The following MICAL2 variants were observed in gnomAD, a reference collection of about 807,000 sequenced individuals.
MICAL2 encodes microtubule associated monooxygenase, calponin and LIM domain containing 2, also known as [F-actin]-monooxygenase MICAL2.
In MICAL2, 77 loss-of-function variants were observed where a neutral mutation model predicts 127.3. The observed-to-expected ratio is 0.60, with a 90% CI of 0.50 to 0.73. MICAL2 has a LOEUF of 0.73. MICAL2 is among the 30% of genes least tolerant of loss of function. The pLI, the probability that MICAL2 is intolerant of heterozygous loss-of-function variation, is 0.00. For missense variants in MICAL2, 1,351 were observed against 1,434.4 expected (o/e 0.94, Z 0.94); for synonymous variants, 570 against 551.1 (o/e 1.03, Z -0.48).
chr11:12,136,341 T>C (rs1320190716), intron 1 of MICAL2, among the ~76,000 whole-genome samples: 1 of 152,156 alleles, frequency 6.6e-6, no homozygotes, highest in Non-Finnish European at 1.5e-5. Flanking sequence ...AATCGAGACT[T>C]TGGGTGAAGC....
upstream of MICAL2, among the ~76,000 whole-genome samples, chr11:12,273,675 C>T (rs1396779452): frequency 6.6e-6 from 1 of 151,812 alleles, no homozygotes; most frequent in African/African-American, 2.4e-5. Flanking sequence ...AGAGAGAACA[C>T]ATGGGTAAAA....
At chr11:12,274,409 C>T (rs180883397), upstream of MICAL2, 2 of 152,052 alleles carry the variant, frequency 1.3e-5, no homozygotes, top group Admixed American at 6.5e-5. Context: ...AAGAAAGAGA[C>T]AATAAACAAA....
intron 2 of MICAL2, among the ~76,000 whole-genome samples, chr11:12,155,408 C>T (rs1854064584): frequency 6.6e-6 from 1 of 152,134 alleles, no homozygotes; most frequent in African/African-American, 2.4e-5. Flanking sequence ...TATGTGCTCA[C>T]ATATACCATA....
chr11:12,336,607 A>C (rs977750905), intron 32 of MICAL2, among the ~76,000 whole-genome samples: 4 of 152,056 alleles, frequency 2.6e-5, no homozygotes, highest in African/African-American at 9.7e-5. Flanking sequence ...GATGGCTCTT[A>C]TTATTTTGAG....
At chr11:12,176,654 C>CTTTG (rs1565100969) in intron 3 of MICAL2, among the ~76,000 whole-genome samples, 3 of 152,304 alleles carry the variant, frequency 2.0e-5, no homozygotes, top group African/African-American at 7.2e-5. Flanking sequence ...TCCCCTCAGC[C>CTTTG]TTTGGCAACC....
At position 12,322,425 on chromosome 11, in the gene MICAL2, A is replaced by G. The variant is rs1330565767; in HGVS notation, c.5329-1553A>G. 2.0e-5 allele frequency among the ~76,000 whole-genome samples: 3 copies of G among 152,178 alleles called. No individual in the cohort carries two copies. In the East Asian group the frequency reaches 5.8e-4, roughly 29 times the overall value. ...TCTGGTAGTCATCTCATGGAAACAG[A>G]GATGACATGATATGGAATAAGTTGA... is the stretch of plus-strand genomic sequence containing the variant. On this transcript the variant is annotated intron_variant, in intron 30 of 34. Transcript: ENST00000646065.
At chr11:12,152,131 T>C (rs981979997) in intron 2 of MICAL2, among the ~76,000 whole-genome samples, 3 of 87,824 alleles carry the variant, frequency 3.4e-5, no homozygotes, top group Non-Finnish European at 7.2e-5. Flanking sequence ...CTACTAAAAA[T>C]ACAAAAAAAA....
chr11:12,182,696 TGTC>T (rs1466462361), intron 3 of MICAL2, among the ~76,000 whole-genome samples: 2 of 152,168 alleles, frequency 1.3e-5, no homozygotes, highest in Admixed American at 6.5e-5. Flanking sequence ...TCAGAGGTGG[TGTC>T]GTAATGCCTC....
chr11:12,277,452 C>T (rs1185010908), intron 1 of MICAL2, among the ~76,000 whole-genome samples: 1 of 152,148 alleles, frequency 6.6e-6, no homozygotes, highest in Non-Finnish European at 1.5e-5. Flanking sequence ...TAATTGCAAC[C>T]ATCTTTGCAG....
intron 3 of MICAL2, among the ~76,000 whole-genome samples, chr11:12,177,675 G>A (rs1856984160): frequency 6.6e-6 from 1 of 152,082 alleles, no homozygotes; most frequent in Admixed American, 6.5e-5. Context: ...TTTTGTATAT[G>A]GGGTGAGGTA....
chr11:12,135,234 A>G (rs777348157), intron 1 of MICAL2, among the ~76,000 whole-genome samples: 1 of 152,212 alleles, frequency 6.6e-6, no homozygotes, highest in Non-Finnish European at 1.5e-5. Flanking sequence ...AATATTAATA[A>G]TTAAGTATAA....
At chr11:12,242,189 A>C in intron 18 of MICAL2, 25 bp from the exon 19 acceptor site, 1 of 1,574,402 alleles carries the variant, frequency 6.4e-7, no homozygotes, top group Non-Finnish European at 8.7e-7. Flanking sequence ...GTAGGGAAGG[A>C]AGCTTAATTT....
At chr11:12,197,956 A>G (rs1860158138) in intron 3 of MICAL2, 1 of 152,198 alleles carries the variant, frequency 6.6e-6, no homozygotes, top group East Asian at 1.9e-4. Context: ...TCTAAGATTG[A>G]TAAGTGGTGT....
At chr11:12,301,467 C>T (rs770929071) in intron 29 of MICAL2, among the ~76,000 whole-genome samples, 5 of 152,168 alleles carry the variant, frequency 3.3e-5, no homozygotes, top group South Asian at 2.1e-4. Context: ...CACTCTTATA[C>T]GTACGTATTT....
chr11:12,133,693 C>T (rs190137877), intron 1 of MICAL2, among the ~76,000 whole-genome samples: 45 of 152,188 alleles, frequency 3.0e-4, no homozygotes, highest in Admixed American at 1.2e-3. Flanking sequence ...GGTTGTCAGG[C>T]GTAGGCAAAT....
intron 32 of MICAL2, among the ~76,000 whole-genome samples, chr11:12,332,370 A>G (rs12804767): frequency 0.41 from 62,927 of 152,074 alleles, 15,782 homozygotes; most frequent in Non-Finnish European, 0.57. Context: ...CTCTAAATAC[A>G]GGTAGCCATG....
chr11:12,146,961 C>CA (rs1210559807), intron 2 of MICAL2, among the ~76,000 whole-genome samples: 1 of 151,778 alleles, frequency 6.6e-6, no homozygotes, highest in East Asian at 1.9e-4. Flanking sequence ...ATTGCAAGGA[C>CA]AGAAAACCAA....
At chr11:12,119,003 C>T (rs779852626) in intron 1 of MICAL2, among the ~76,000 whole-genome samples, 27 of 152,140 alleles carry the variant, frequency 1.8e-4, no homozygotes, top group Non-Finnish European at 3.1e-4. Flanking sequence ...AGAAGGCAGC[C>T]AGTTCTCCAT....
intron 13 of MICAL2, among the ~76,000 whole-genome samples, chr11:12,225,943 C>G (rs1207518470): frequency 6.6e-6 from 1 of 152,124 alleles, no homozygotes; most frequent in African/African-American, 2.4e-5. Context: ...GGCTTTAGCC[C>G]AGGCAGCAAT....
Sources: allele counts gnomAD v4.1 joint callset (sites outside exome capture counted in the v4.1 genomes callset), GRCh38; gene constraint gnomAD v4.1.1; transcripts MANE v1.5; gene names NCBI Gene and HGNC (gene_info 2026-07-23, HGNC 2026-07-21).